The following TENT5C variants were observed in gnomAD, a reference collection of about 807,000 sequenced individuals.
The protein encoded by TENT5C is terminal nucleotidyltransferase 5C, also known as family with sequence similarity 46 member C.
Under a neutral mutation model 22.2 loss-of-function variants are expected in TENT5C, and 5 were observed. The ratio of observed to expected loss-of-function variants is 0.22; its 90% CI spans 0.12 to 0.47. TENT5C has a LOEUF of 0.47. Among genes scored for constraint, TENT5C ranks in the 20% least tolerant of loss-of-function variants. The pLI is 0.99. For synonymous variants in TENT5C, 199 were observed against 195.4 expected, an observed-to-expected ratio of 1.02 and a Z score of -0.15; for missense variants, 364 against 500.9, an observed-to-expected ratio of 0.73 and a Z score of 2.61.
At chr1:117,610,996 C>T (rs781570650) in intron 1 of TENT5C, among the ~76,000 whole-genome samples, 3 of 152,186 alleles carry the variant, frequency 2.0e-5, no homozygotes, top group Non-Finnish European at 4.4e-5. Flanking sequence ...TCTTCCGTTG[C>T]CGTAAGCATC....
At position 117,624,277 on chromosome 1, in the gene TENT5C, C is replaced by A; in HGVS notation, c.*233C>A. On this transcript the variant is annotated 3_prime_UTR_variant, in exon 2 of 2. Transcript: ENST00000369448. Reference sequence around the variant, plus strand: ...CCACGTTGGAAAACGCTACAGGAAGCATGACCTATCCACATCTTTCCAAGA... The same window carrying A: ...CCACGTTGGAAAACGCTACAGGAAGAATGACCTATCCACATCTTTCCAAGA... The A allele has an allele frequency of 1.9e-6, 1 of 533,718 alleles. No homozygotes were observed. The highest frequency in any genetic ancestry group is 3.2e-5 in the South Asian group (1 of 31,184). 33.1% of individuals were successfully genotyped at this position (533,718 alleles called of 1,614,324 possible).
In TENT5C at chr1:117,623,562, G is replaced by A. The variant is rs371434677; in HGVS notation, c.694G>A (p.Ala232Thr). Residue 232 changes from alanine to threonine, a missense_variant, in exon 2 of 2, where the codon GCC becomes ACC. Physicochemically the swap from Ala to Thr is moderately conservative, Grantham distance 58 (BLOSUM62 0). Around this residue, in one of 3 missense-constraint regions of TENT5C, gnomAD observed 303 missense variants for 394.5 expected, o/e 0.77. Coordinates refer to ENST00000369448, the MANE Select transcript of TENT5C (RefSeq NM_017709.4). ...AFDHLQNRLI[A>T]TKNPEEIRGG... is the part of the protein sequence containing the mutation. Reference sequence around the variant, plus strand: ...TGACCATCTGCAGAACAGACTGATCGCCACCAAGAACCCAGAAGAAATCAG... The same window carrying A: ...TGACCATCTGCAGAACAGACTGATCACCACCAAGAACCCAGAAGAAATCAG... 5.0e-6 allele frequency: 8 copies of A among 1,613,852 alleles called. No individual in the cohort carries two copies. The highest frequency in any genetic ancestry group is 1.3e-5 in the African/African-American group (1 of 74,936).
rs1570867210 is a variant in TENT5C, at chr1:117,627,246, A to T, written c.*3202A>T. The T allele has an allele frequency of 8.1e-6, 2 of 248,142 alleles. No homozygotes were observed. Among genetic ancestry groups the T allele is most frequent in the East Asian group, 6.0e-5 (1 of 16,576 alleles). The allele number at this position is 248,142 out of a possible 1,614,324, so 15.4% of individuals were successfully genotyped here. A position where few individuals can be genotyped will look rare whatever the true frequency, so the allele number is the denominator to read the frequency against. On this transcript the variant is annotated 3_prime_UTR_variant, in exon 2 of 2. Transcript: ENST00000369448. ...TTGAGTCACAGCAAGCTGTGTATGAACTTGTGTTTTGTGGTGACACATTAA... is the reference window on the plus strand; with the variant it reads ...TTGAGTCACAGCAAGCTGTGTATGATCTTGTGTTTTGTGGTGACACATTAA...
chr1:117,622,730 A>G lies in TENT5C; in HGVS notation c.-27-112A>G, dbSNP rs560274159. 5.7e-5 allele frequency: 41 copies of G among 718,782 alleles called. No individual in the cohort carries two copies. In the East Asian group the frequency reaches 9.2e-4, roughly 16 times the overall value. 44.5% of individuals were successfully genotyped at this position (718,782 alleles called of 1,614,324 possible). A position where few individuals can be genotyped will look rare whatever the true frequency, so the allele number is the denominator to read the frequency against. ...ATGGCAACACTGAGCAGTAAGTGCT[A>G]TTTATCACCATTTTACAGGAAGATG... On this transcript the variant is annotated intron_variant, in intron 1 of 1. Transcript: ENST00000369448.
intron 1 of TENT5C, among the ~76,000 whole-genome samples, chr1:117,606,553 C>T (rs938551007): frequency 5.3e-5 from 8 of 152,212 alleles, no homozygotes; most frequent in Non-Finnish European, 1.0e-4. Context: ...CTGGATCAGA[C>T]GGCGCCCCCC....
intron 1 of TENT5C, among the ~76,000 whole-genome samples, chr1:117,606,634 C>T (rs998191701): frequency 3.3e-5 from 5 of 152,154 alleles, no homozygotes; most frequent in Non-Finnish European, 7.3e-5. Context: ...GCGCGCACAC[C>T]TTCGCCGGCC....
intron 1 of TENT5C, among the ~76,000 whole-genome samples, chr1:117,608,136 C>G (rs1006945144): frequency 1.3e-5 from 2 of 151,802 alleles, no homozygotes; most frequent in African/African-American, 4.8e-5. Context: ...AACAAAGATC[C>G]CTAATTTCAT....
intron 1 of TENT5C, among the ~76,000 whole-genome samples, chr1:117,620,281 A>G (rs773137893): frequency 2.0e-5 from 3 of 152,222 alleles, no homozygotes; most frequent in Non-Finnish European, 4.4e-5. Flanking sequence ...TCTCCTCTGT[A>G]ACATTATTGA....
At chr1:117,615,686 A>G (rs752468167) in intron 1 of TENT5C, among the ~76,000 whole-genome samples, 6 of 152,230 alleles carry the variant, frequency 3.9e-5, no homozygotes, top group Non-Finnish European at 7.3e-5. Flanking sequence ...CGTTTATGTT[A>G]TGAAACAATG....
intron 1 of TENT5C, among the ~76,000 whole-genome samples, chr1:117,610,590 C>A (rs553946890): frequency 1.3e-5 from 2 of 152,194 alleles, no homozygotes; most frequent in East Asian, 3.9e-4. Flanking sequence ...TGCAGTAGCA[C>A]GATCTCTGCT....
At position 117,623,959 on chromosome 1, in the gene TENT5C, G is replaced by T. The variant is rs1653954370; in HGVS notation, c.1091G>T (p.Ser364Ile). Residue 364 changes from serine (S) to isoleucine (I), a missense_variant, in exon 2 of 2, where the codon AGT (serine) becomes ATT (isoleucine). By Grantham distance (142) the Ser-to-Ile change is moderately radical. Around this residue, in one of 3 missense-constraint regions of TENT5C, gnomAD observed 54 missense variants for 76.5 expected, o/e 0.71. Transcript: ENST00000369448. Reference sequence around the variant, plus strand: ...TACTACCAGCCGGCCCCTTACGTCAGTGATGGCAACTTCAGCAACTACTAC... The same window carrying T: ...TACTACCAGCCGGCCCCTTACGTCATTGATGGCAACTTCAGCAACTACTAC... ...TCYYQPAPYV[S>I]DGNFSNYYVA... 1.2e-6 allele frequency: 2 copies of T among 1,614,088 alleles called. No homozygotes were observed. The highest frequency in any genetic ancestry group is 2.2e-5 in the East Asian group (1 of 44,868).
intron 1 of TENT5C, among the ~76,000 whole-genome samples, chr1:117,608,411 TAG>T (rs1156595988): frequency 6.6e-6 from 1 of 152,042 alleles, no homozygotes; most frequent in Non-Finnish European, 1.5e-5. Flanking sequence ...TATCTCCCCA[TAG>T]TGCACACATT....
intron 1 of TENT5C, among the ~76,000 whole-genome samples, chr1:117,607,733 C>T (rs1480443140): frequency 2.0e-5 from 3 of 152,068 alleles, no homozygotes; most frequent in African/African-American, 7.2e-5. Context: ...GTCTTAAATC[C>T]CCAAGGGTAT....
intron 1 of TENT5C, among the ~76,000 whole-genome samples, chr1:117,610,454 C>T (rs892126495): frequency 6.6e-6 from 1 of 152,240 alleles, no homozygotes; most frequent in Non-Finnish European, 1.5e-5. Flanking sequence ...GCTTCAGGCC[C>T]TTCCCACAGG....
chr1:117,621,910 G>A (rs1178567027), intron 1 of TENT5C, among the ~76,000 whole-genome samples: 4 of 152,138 alleles, frequency 2.6e-5, no homozygotes, highest in African/African-American at 9.7e-5. Flanking sequence ...GGGAAACTTT[G>A]TGGTCCTAGC....
In TENT5C at chr1:117,618,333, T is replaced by A. The variant is rs536508831; in HGVS notation, c.-27-4509T>A. Among the ~76,000 whole-genome samples the A allele has an allele frequency of 1.4e-3, 216 of 151,962 alleles. 1 individual carries two copies. Among genetic ancestry groups the A allele is most frequent in the African/African-American group, 5.0e-3 (209 of 41,438 alleles). On this transcript the variant is annotated intron_variant, in intron 1 of 1. Coordinates refer to ENST00000369448, the MANE Select transcript of TENT5C (RefSeq NM_017709.4). ...AATTCTGTGAAACTGAAAAAAAAAA[T>A]TTCTTTTGGTTAACATAGAATGAGA...
At chr1:117,612,806 T>C (rs1471807474) in intron 1 of TENT5C, among the ~76,000 whole-genome samples, 2 of 152,230 alleles carry the variant, frequency 1.3e-5, no homozygotes, top group African/African-American at 4.8e-5. Context: ...GAGTTGCTTG[T>C]CCCTTTCCTG....
At chr1:117,622,199 C>T (rs577727206) in intron 1 of TENT5C, among the ~76,000 whole-genome samples, 1 of 152,308 alleles carries the variant, frequency 6.6e-6, no homozygotes, top group East Asian at 1.9e-4. Context: ...ATGAAAGGAA[C>T]ATGGGAATTT....
rs141988333 is a variant in TENT5C at position 117,621,420 on chromosome 1, A to C, written c.-27-1422A>C. 1.7e-4 allele frequency among the ~76,000 whole-genome samples: 26 copies of C among 152,266 alleles called. No individual in the cohort carries two copies. In the East Asian group the frequency reaches 4.1e-3, roughly 24 times the overall value. On this transcript the variant is annotated intron_variant, in intron 1 of 1. Transcript: ENST00000369448. Reference sequence around the variant, plus strand: ...TATTTCCACCACTGGAGTTGTCTACACAACACACTGCCTTGTATTGATAGC... The same window carrying C: ...TATTTCCACCACTGGAGTTGTCTACCCAACACACTGCCTTGTATTGATAGC...
Sources: allele counts gnomAD v4.1 joint callset (sites outside exome capture counted in the v4.1 genomes callset), GRCh38; gene constraint gnomAD v4.1.1; regional missense constraint gnomAD v4.1.1; transcripts MANE v1.5; gene names NCBI Gene and HGNC (gene_info 2026-07-23, HGNC 2026-07-21).